DOCK10: variants seen among roughly 807,000 people sequenced by gnomAD.
DOCK10 encodes the protein dedicator of cytokinesis 10, also known as dedicator of cytokinesis protein 10.
Under a neutral mutation model 280.1 loss-of-function variants are expected in DOCK10, and 145 were observed. The ratio of observed to expected loss-of-function variants is 0.52; its 90% CI spans 0.45 to 0.59. The LOEUF is 0.59. DOCK10 is among the 20% of genes least tolerant of loss of function. The pLI is 0.00. For synonymous variants in DOCK10, 915 were observed against 942.2 expected, an observed-to-expected ratio of 0.97 and a Z score of 0.53; for missense variants, 2,368 against 2,651.7, an observed-to-expected ratio of 0.89 and a Z score of 2.35.
chr2:224,770,711 G>A lies in DOCK10; in HGVS notation c.6205-66C>T. 1 of 1,171,796 alleles carries A rather than the reference G, an allele frequency of 8.5e-7. No individual in the cohort carries two copies. The highest frequency in any genetic ancestry group is 1.3e-6 in the Non-Finnish European group (1 of 781,508). 72.6% of individuals were successfully genotyped at this position (1,171,796 alleles called of 1,614,324 possible). A position where few individuals can be genotyped will look rare whatever the true frequency, so the allele number is the denominator to read the frequency against. Reference sequence around the variant, plus strand: ...CATGGAGTCTTTTCCACCGCTGGAAGAGGAGCAACTGTGCACCAATGGTGT... The same window carrying A: ...CATGGAGTCTTTTCCACCGCTGGAAAAGGAGCAACTGTGCACCAATGGTGT... On this transcript the variant is annotated intron_variant, in intron 53 of 55. Transcript: ENST00000258390. This position sits in a 1 kb window ranked among gnomAD's most constrained non-coding sequence, Gnocchi z 4.5.
At chr2:224,801,298 A>C (rs1352927805) in intron 40 of DOCK10, among the ~76,000 whole-genome samples, 3 of 151,796 alleles carry the variant, frequency 2.0e-5, no homozygotes, top group East Asian at 1.9e-4. Context: ...AAAAAAAAAA[A>C]AAAAACATAT....
intron 28 of DOCK10, among the ~76,000 whole-genome samples, chr2:224,822,921 T>C (rs1395688185): frequency 1.3e-5 from 2 of 152,020 alleles, no homozygotes; most frequent in African/African-American, 4.8e-5. Flanking sequence ...AAAATATATT[T>C]AGAAATACTA....
At position 224,886,900 on chromosome 2, in the gene DOCK10, A is replaced by T. The variant is rs546379575; in HGVS notation, c.417-369T>A. ...CAGCACCCCCAACACCCCCCCAAGT[A>T]GTACCTGGGATTACAGGCATGTACC... On this transcript the variant is annotated intron_variant, in intron 4 of 55. Coordinates refer to ENST00000258390, the MANE Select transcript of DOCK10 (RefSeq NM_014689.3). Among the ~76,000 whole-genome samples, 437 of 125,260 alleles carry T rather than the reference A, an allele frequency of 3.5e-3. 3 individuals are homozygous for T. Among genetic ancestry groups the T allele is most frequent in the African/African-American group, 0.016 (400 of 25,170 alleles). 82.2% of individuals were successfully genotyped at this position (125,260 alleles called of 152,430 possible).
intron 1 of DOCK10, among the ~76,000 whole-genome samples, chr2:225,011,745 G>A (rs1003679846): frequency 6.6e-6 from 1 of 152,146 alleles, no homozygotes; most frequent in African/African-American, 2.4e-5. Context: ...GGGAGGCCAC[G>A]TCAATATGCA....
chr2:224,997,994 G>T (rs548320431), intron 1 of DOCK10, among the ~76,000 whole-genome samples: 1 of 152,112 alleles, frequency 6.6e-6, no homozygotes, highest in Admixed American at 6.5e-5. Flanking sequence ...AAGATGTGTC[G>T]CTCCAGCTGG....
chr2:225,002,367 T>C (rs1396434164), intron 1 of DOCK10, among the ~76,000 whole-genome samples: 1 of 152,162 alleles, frequency 6.6e-6, no homozygotes, highest in African/African-American at 2.4e-5. Context: ...TTCTTCAAGT[T>C]TCCATTACCA....
intron 4 of DOCK10, among the ~76,000 whole-genome samples, chr2:224,892,377 GA>G (rs1699727380): frequency 8.3e-6 from 1 of 119,850 alleles, no homozygotes; most frequent in Admixed American, 1.1e-4. Context: ...CCAGCCTGGG[GA>G]CGAAGTGAGA....
intron 15 of DOCK10, among the ~76,000 whole-genome samples, chr2:224,856,625 T>G (rs1697162593): frequency 6.6e-6 from 1 of 152,198 alleles, no homozygotes; most frequent in South Asian, 2.1e-4. Flanking sequence ...AGTTTTGAGG[T>G]GGTTTGTTAC....
At chr2:224,987,022 C>T (rs1256525898) in intron 1 of DOCK10, among the ~76,000 whole-genome samples, 1 of 152,194 alleles carries the variant, frequency 6.6e-6, no homozygotes, top group African/African-American at 2.4e-5. Context: ...CTGCACCTGC[C>T]TGCCCTCTGG....
chr2:225,029,915 G>A (rs1690030098), intron 1 of DOCK10, among the ~76,000 whole-genome samples: 1 of 151,746 alleles, frequency 6.6e-6, no homozygotes, highest in South Asian at 2.1e-4. Flanking sequence ...AGGCTGAGGC[G>A]GGTGGATCAC....
At chr2:224,922,802 T>C (rs751464761) in intron 2 of DOCK10, among the ~76,000 whole-genome samples, 11 of 152,196 alleles carry the variant, frequency 7.2e-5, no homozygotes, top group Non-Finnish European at 1.6e-4. Context: ...AAGCTTCCTC[T>C]GACAGTATTG....
intron 1 of DOCK10, among the ~76,000 whole-genome samples, chr2:225,032,980 T>G (rs1336648734): frequency 6.6e-6 from 1 of 152,210 alleles, no homozygotes; most frequent in Non-Finnish European, 1.5e-5. Context: ...TAATCCTAAA[T>G]GGTGTCATCT....
intron 1 of DOCK10, among the ~76,000 whole-genome samples, chr2:224,977,823 T>A (rs1203758344): frequency 6.6e-6 from 1 of 152,156 alleles, no homozygotes; most frequent in Non-Finnish European, 1.5e-5. Flanking sequence ...AGACTACAAT[T>A]ATGCCAGCCC....
chr2:224,877,673 C>T (rs1698725167), intron 7 of DOCK10, among the ~76,000 whole-genome samples: 1 of 152,320 alleles, frequency 6.6e-6, no homozygotes, highest in African/African-American at 2.4e-5. Context: ...AAGAAGATCT[C>T]TGATTTGAAA....
intron 43 of DOCK10, among the ~76,000 whole-genome samples, 184 bp downstream of exon 43, chr2:224,796,780 C>G (rs1036441858): frequency 6.6e-6 from 1 of 152,148 alleles, no homozygotes; most frequent in African/African-American, 2.4e-5. Flanking sequence ...GGAGATAGGG[C>G]TCTGCTGATT....
intron 4 of DOCK10, among the ~76,000 whole-genome samples, chr2:224,887,906 C>A (rs1446709422): frequency 2.6e-5 from 4 of 152,164 alleles, no homozygotes; most frequent in Non-Finnish European, 4.4e-5. Flanking sequence ...ACATGTGCTA[C>A]TTTGCATCAG....
At chr2:224,943,116 G>T (rs1168864878) in intron 1 of DOCK10, among the ~76,000 whole-genome samples, 1 of 152,100 alleles carries the variant, frequency 6.6e-6, no homozygotes, top group Non-Finnish European at 1.5e-5. Flanking sequence ...ATCAACTGCA[G>T]ACCACCACAC....
rs58329909 is a variant in DOCK10, at chr2:224,867,108, A to AC, written c.1258-2022_1258-2021insG. 7.9e-3 allele frequency among the ~76,000 whole-genome samples: 1,188 copies of AC among 151,276 alleles called. 17 individuals carry two copies. Among genetic ancestry groups the AC allele is most frequent in the African/African-American group, 0.025 (1,031 of 41,082 alleles). ...CACACACACACACACACACACACACAAAATTTATTTATCTCTATCTGTGTA... is the reference window on the plus strand; with the variant it reads ...CACACACACACACACACACACACACACAAATTTATTTATCTCTATCTGTGTA... On this transcript the variant is annotated intron_variant, in intron 11 of 55. Transcript: ENST00000258390.
chr2:224,974,208 G>A (rs1327542460), intron 1 of DOCK10, among the ~76,000 whole-genome samples: 1 of 152,122 alleles, frequency 6.6e-6, no homozygotes, highest in East Asian at 1.9e-4. Flanking sequence ...TGTCTCAGTT[G>A]TTTATTGAGT....
Sources: allele counts gnomAD v4.1 joint callset (sites outside exome capture counted in the v4.1 genomes callset), GRCh38; gene constraint gnomAD v4.1.1; non-coding constraint Gnocchi (gnomAD v3.1); transcripts MANE v1.5; gene names NCBI Gene and HGNC (gene_info 2026-07-23, HGNC 2026-07-21).